Variants in ZNF320 observed in about 807,000 individuals in gnomAD.
ZNF320 encodes the protein zinc finger protein 320.
A neutral mutation model predicts 6.8 loss-of-function variants in ZNF320; 2 were observed. That is an observed-to-expected ratio of 0.29 (90% CI 0.12 to 0.93). The LOEUF is 0.93. Among genes scored for constraint, ZNF320 ranks in the 40% least tolerant of loss-of-function variants. ZNF320 has a pLI of 0.55. For missense variants in ZNF320, 472 were observed against 611.0 expected, an observed-to-expected ratio of 0.77 and a Z score of 2.40; for synonymous variants, 208 against 203.2, an observed-to-expected ratio of 1.02 and a Z score of -0.20.
chr19:52,886,726 A>C (rs2064090634), intron 5 of ZNF320, among the ~76,000 whole-genome samples: 1 of 152,114 alleles, frequency 6.6e-6, no homozygotes, highest in African/African-American at 2.4e-5. Flanking sequence ...ACTTGAGATA[A>C]GGAGTTTGAG....
chr19:52,880,711 T>G lies in ZNF320; in HGVS notation c.1415A>C (p.His472Pro). Residue 472 changes from histidine (H) to proline (P), a missense_variant, in exon 6 of 6, where the codon CAT (histidine) becomes CCT (proline). Physicochemically the swap from His to Pro is moderately conservative, Grantham distance 77 (BLOSUM62 -2). This residue lies in a region of ZNF320 where 462 missense variants were observed against 559.7 expected (regional missense o/e 0.83). Coordinates refer to ENST00000682928, the MANE Select transcript of ZNF320 (RefSeq NM_001351774.2). ...CAGACTAAAGACCTTGCCACACTGA[T>G]GACATTTGTAAGATTTCTGTCCAGT... is the stretch of plus-strand genomic sequence containing the variant. Reference protein sequence around the residue: ...IHTGQKSYKCHQCGKVFSLRS... With the variant: ...IHTGQKSYKCPQCGKVFSLRS... 1.2e-6 allele frequency: 2 copies of G among 1,613,940 alleles called. No homozygotes were observed. Among genetic ancestry groups the G allele is most frequent in the Non-Finnish European group, 1.7e-6 (2 of 1,179,832 alleles).
chr19:52,895,834 G>C (rs1461930847), intron 1 of ZNF320: 1 of 151,744 alleles, frequency 6.6e-6, no homozygotes, highest in African/African-American at 2.4e-5. Context: ...AAGAAAAAAA[G>C]AAACAACCTA....
At chr19:52,863,961 A>C in exon 6 of ZNF320, 1 of 428,874 alleles carries the variant, frequency 2.3e-6, no homozygotes. Flanking sequence ...ATCACAAAAG[A>C]GAATACAAAA....
intron 5 of ZNF320, among the ~76,000 whole-genome samples, chr19:52,885,561 C>A (rs571259494): frequency 6.6e-6 from 1 of 151,510 alleles, no homozygotes; most frequent in African/African-American, 2.4e-5. Context: ...CTAAAAATAC[C>A]AAAAATTAGC....
chr19:52,896,140 T>C (rs1051168273), intron 1 of ZNF320, among the ~76,000 whole-genome samples: 4 of 152,142 alleles, frequency 2.6e-5, no homozygotes, highest in African/African-American at 9.6e-5. Flanking sequence ...CACCCCAGGC[T>C]GGAGTGCAGT....
At chr19:52,897,282 G>A (rs533882543) in intron 1 of ZNF320, among the ~76,000 whole-genome samples, 9 of 152,250 alleles carry the variant, frequency 5.9e-5, no homozygotes, top group Non-Finnish European at 1.3e-4. Flanking sequence ...CCCGGGAACC[G>A]GGGTTGAGGC....
At chr19:52,873,723 C>T (rs2063719738), downstream of ZNF320, among the ~76,000 whole-genome samples, 1 of 152,194 alleles carries the variant, frequency 6.6e-6, no homozygotes, top group African/African-American at 2.4e-5. Flanking sequence ...ACATCACTGA[C>T]ACCATGGGGC....
In ZNF320 at chr19:52,881,630, A is replaced by T; in HGVS notation, c.496T>A (p.Cys166Ser). The change falls in exon 6 of 6, where the codon TGT becomes AGT. Residue 166 changes from cysteine (C) to serine (S), a missense_variant. By Grantham distance (112) the Cys-to-Ser change is moderately radical (BLOSUM62 -1). Around this residue, in one of 2 missense-constraint regions of ZNF320, gnomAD observed 462 missense variants for 559.7 expected, o/e 0.83. Coordinates refer to ENST00000682928, the MANE Select transcript of ZNF320 (RefSeq NM_001351774.2). ...GATTTGCAACTGAAAACTTTCTCAC[A>T]TTCTTCACATTTGTAAGGTTTCTCT... ...TGEKPYKCEE[C>S]EKVFSCKSHL... The T allele has an allele frequency of 6.2e-7, 1 of 1,614,052 alleles. No homozygotes were observed.
rs144941486 is a variant in ZNF320, at chr19:52,882,454, G to T, written c.143-471C>A. 3.2e-3 allele frequency among the ~76,000 whole-genome samples: 480 copies of T among 152,308 alleles called. 4 individuals carry two copies. The highest frequency in any genetic ancestry group is 0.011 in the African/African-American group (445 of 41,568). On this transcript the variant is annotated intron_variant, in intron 5 of 5. Coordinates refer to ENST00000682928, the MANE Select transcript of ZNF320 (RefSeq NM_001351774.2). ...GATAATCAAAATCAATGGAAATTCT[G>T]TATTATCAAACAATCATAGCACTGA...
At chr19:52,882,065 C>T (rs907491491) in intron 5 of ZNF320, 82 bp from the exon 6 acceptor site, 4 of 1,313,038 alleles carry the variant, frequency 3.0e-6, no homozygotes, top group Non-Finnish European at 4.1e-6. Flanking sequence ...CACACACACA[C>T]AAAAATACTT....
At chr19:52,886,377 T>C (rs1458279189) in intron 5 of ZNF320, among the ~76,000 whole-genome samples, 2 of 152,148 alleles carry the variant, frequency 1.3e-5, no homozygotes, top group Admixed American at 6.5e-5. Context: ...TCAGGCGATC[T>C]GCCCACCTCG....
chr19:52,882,260 T>G (rs2063945841), intron 5 of ZNF320, among the ~76,000 whole-genome samples: 1 of 152,176 alleles, frequency 6.6e-6, no homozygotes, highest in Non-Finnish European at 1.5e-5. Flanking sequence ...ATTTTTCCAC[T>G]TTAATCCTAA....
At chr19:52,893,206 C>T (rs1259908249) in intron 2 of ZNF320, among the ~76,000 whole-genome samples, 1 of 152,084 alleles carries the variant, frequency 6.6e-6, no homozygotes. Context: ...CAGGGGCTGG[C>T]ACTGGGCAGG....
At chr19:52,873,256 A>C (rs1600586855), downstream of ZNF320, among the ~76,000 whole-genome samples, 2 of 152,318 alleles carry the variant, frequency 1.3e-5, no homozygotes, top group South Asian at 2.1e-4. Context: ...GCCATATCTC[A>C]GGCTGTCTCC....
chr19:52,874,398 C>T (rs1179545555), downstream of ZNF320, among the ~76,000 whole-genome samples: 1 of 152,160 alleles, frequency 6.6e-6, no homozygotes, highest in African/African-American at 2.4e-5. Flanking sequence ...CTGATCTCAG[C>T]TCTCAACATG....
rs1217889615 is a variant in ZNF320 at position 52,881,241 on chromosome 19, A to G, written c.885T>C (p.His295=). The G allele has an allele frequency of 6.2e-6, 10 of 1,614,044 alleles. No homozygotes were observed. The highest frequency in any genetic ancestry group is 8.5e-6 in the Non-Finnish European group (10 of 1,180,008). Residue 295 remains histidine (H), a synonymous_variant, in exon 6 of 6, where the codon CAT becomes CAC. Coordinates refer to ENST00000682928, the MANE Select transcript of ZNF320 (RefSeq NM_001351774.2). ...TACACTTATAGGGTTTCTCTGCAGTATGAACTGCCTTATGAATTACGAGGA... is the reference window on the plus strand; with the variant it reads ...TACACTTATAGGGTTTCTCTGCAGTGTGAACTGCCTTATGAATTACGAGGA... ...NSVLVIHKAV[H]TAEKPYKCNE... is the part of the protein sequence containing the mutation.
rs1478160417 is a variant in ZNF320 at position 52,877,963 on chromosome 19, T to G, written c.*2633A>C. 2 of 152,156 alleles carry G rather than the reference T, an allele frequency of 1.3e-5. No individual in the cohort carries two copies. The highest frequency in any genetic ancestry group is 1.3e-4 in the Admixed American group (2 of 15,276). The allele number at this position is 152,156 out of a possible 1,614,324, so 9.4% of individuals were successfully genotyped here. A position where few individuals can be genotyped will look rare whatever the true frequency, so the allele number is the denominator to read the frequency against. On this transcript the variant is annotated 3_prime_UTR_variant, in exon 6 of 6. Coordinates refer to ENST00000682928, the MANE Select transcript of ZNF320 (RefSeq NM_001351774.2). ...TTTGACTTTTTTTAAATGAAAAGTC[T>G]CACATATTTATTACTGAACCAAGCC...
chr19:52,862,705 T>C (rs1375780857), exon 6 of ZNF320: 1 of 522,494 alleles, frequency 1.9e-6, no homozygotes, highest in East Asian at 5.5e-5. Flanking sequence ...CAGTATGTTC[T>C]GCAAGGAGTG....
At chr19:52,875,774 C>T (rs1341770969), downstream of ZNF320, among the ~76,000 whole-genome samples, 5 of 149,522 alleles carry the variant, frequency 3.3e-5, no homozygotes, top group African/African-American at 1.2e-4. Flanking sequence ...AGTGACACTC[C>T]ATCTCAAAAA....
Sources: gnomAD v4.1 joint callset for allele counts (sites outside exome capture counted in the v4.1 genomes callset) on GRCh38, gnomAD v4.1.1 for gene constraint, gnomAD v4.1.1 regional missense constraint, MANE v1.5 for transcripts, NCBI Gene and HGNC (gene_info 2026-07-23, HGNC 2026-07-21) for gene names.